Variants in ESR1 observed in about 807,000 individuals in gnomAD.
ESR1 encodes estrogen receptor.
A neutral mutation model predicts 52.7 loss-of-function variants in ESR1; 12 were observed. The ratio of observed to expected loss-of-function variants is 0.23; its 90% confidence interval spans 0.15 to 0.37. The LOEUF is 0.37. Among genes scored for constraint, ESR1 ranks in the 10% least tolerant of loss-of-function variants. The pLI is 1.00. For missense variants in ESR1, 584 were observed against 779.7 expected (o/e 0.75, Z 2.99); for synonymous variants, 305 against 316.8 (o/e 0.96, Z 0.39).
In ESR1 at chr6:151,942,535, A is replaced by G. The variant is rs562243132; in HGVS notation, c.761-1638A>G. On this transcript the variant is annotated intron_variant, in intron 3 of 7. Coordinates refer to ENST00000206249, the MANE Select transcript of ESR1 (RefSeq NM_000125.4). ...CATATTAGAAATAATAATAATCTTTATTATAATTTTTACTATTTCATGAGA... is the reference window on the plus strand; with the variant it reads ...CATATTAGAAATAATAATAATCTTTGTTATAATTTTTACTATTTCATGAGA... Among the ~76,000 whole-genome samples the G allele has an allele frequency of 4.6e-5, 7 of 151,892 alleles. No individual in the cohort carries two copies. The East Asian group carries it at 1.4e-3, about 29-fold the overall frequency.
upstream of ESR1, among the ~76,000 whole-genome samples, chr6:151,806,368 G>A (rs1245981128): frequency 5.9e-5 from 9 of 151,814 alleles, no homozygotes; most frequent in Admixed American, 6.6e-5. Context: ...TGAACACTTC[G>A]TCAGATACTC....
chr6:152,096,720 C>T, intron 7 of ESR1: 2 of 455,986 alleles, frequency 4.4e-6, no homozygotes, highest in Non-Finnish European at 8.8e-6. Context: ...GAGTAGGTGA[C>T]TGCATTCAGA....
At chr6:152,005,180 A>AT (rs1370561115) in intron 4 of ESR1, among the ~76,000 whole-genome samples, 2 of 152,030 alleles carry the variant, frequency 1.3e-5, no homozygotes, top group African/African-American at 4.8e-5. Context: ...AGACAGCTGC[A>AT]TTCTGGACAT....
chr6:152,007,508 G>T (rs542365990), intron 4 of ESR1, among the ~76,000 whole-genome samples: 2 of 152,042 alleles, frequency 1.3e-5, no homozygotes, highest in Non-Finnish European at 2.9e-5. Flanking sequence ...GCATTTTAAG[G>T]CATTTCTCTC....
chr6:152,040,197 C>G (rs2045668593), intron 5 of ESR1, among the ~76,000 whole-genome samples: 1 of 152,170 alleles, frequency 6.6e-6, no homozygotes, highest in Non-Finnish European at 1.5e-5. Flanking sequence ...TCAGTTGTGG[C>G]TGTAGCCAGG....
intron 6 of ESR1, among the ~76,000 whole-genome samples, chr6:152,089,746 T>C (rs2050029089): frequency 6.6e-6 from 1 of 152,162 alleles, no homozygotes; most frequent in Non-Finnish European, 1.5e-5. Flanking sequence ...ACCTGACTAA[T>C]TTTTGTAATT....
intron 5 of ESR1, among the ~76,000 whole-genome samples, chr6:152,015,343 C>T (rs1038496664): frequency 6.6e-6 from 1 of 152,192 alleles, no homozygotes; most frequent in African/African-American, 2.4e-5. Context: ...CAAACTTTCT[C>T]CTCTTCAGCC....
chr6:151,773,595 T>C (rs1424749495), intron 2 of ESR1, among the ~76,000 whole-genome samples: 1 of 152,182 alleles, frequency 6.6e-6, no homozygotes, highest in Non-Finnish European at 1.5e-5. Context: ...ACCCTGGTCC[T>C]AGTGGAGAGG....
At chr6:151,802,800 C>T (rs1777393148), upstream of ESR1, among the ~76,000 whole-genome samples, 1 of 152,024 alleles carries the variant, frequency 6.6e-6, no homozygotes, top group African/African-American at 2.4e-5. Flanking sequence ...ACCAGCCTGG[C>T]CAACATGGTG....
At chr6:151,839,356 G>A (rs971407544) in intron 1 of ESR1, among the ~76,000 whole-genome samples, 14 of 152,068 alleles carry the variant, frequency 9.2e-5, no homozygotes, top group African/African-American at 3.1e-4. Flanking sequence ...GTGTTGGAGA[G>A]GATATAGAGC....
At chr6:152,002,292 A>T (rs969440200) in intron 4 of ESR1, among the ~76,000 whole-genome samples, 1 of 151,440 alleles carries the variant, frequency 6.6e-6, no homozygotes. Context: ...CTGGGTGGAG[A>T]TGGGAGGAAG....
chr6:151,772,738 A>T (rs1420808378), intron 2 of ESR1, among the ~76,000 whole-genome samples: 1 of 152,182 alleles, frequency 6.6e-6, no homozygotes. Context: ...TTCTTTTCAG[A>T]TGTGCAGCCT....
At chr6:151,992,936 T>G (rs2041159321) in intron 4 of ESR1, among the ~76,000 whole-genome samples, 2 of 152,296 alleles carry the variant, frequency 1.3e-5, no homozygotes, top group East Asian at 1.9e-4. Flanking sequence ...GCATGCTTTT[T>G]GGTTTAGTTA....
At position 151,784,891 on chromosome 6, in the gene ESR1, G is replaced by T. The variant is rs371599201; in HGVS notation, c.-70-22952G>T. On this transcript the variant is annotated intron_variant, in intron 2 of 2. Coordinates refer to the ESR1 transcript ENST00000404742. ...GGCAAGTCTGAAATTTGTAGAGCAG[G>T]CCAGCAGGCTGGAAACTCAGGCAGG... Among the ~76,000 whole-genome samples, 3 of 152,214 alleles carry T rather than the reference G, an allele frequency of 2.0e-5. No homozygotes were observed. In the South Asian group the frequency reaches 6.2e-4, roughly 31 times the overall value.
At chr6:151,946,038 C>T (rs1437997327) in intron 4 of ESR1, among the ~76,000 whole-genome samples, 2 of 152,152 alleles carry the variant, frequency 1.3e-5, no homozygotes, top group African/African-American at 4.8e-5. Flanking sequence ...TTCTTGAGTA[C>T]CTACATATTT....
chr6:151,960,994 A>G (rs1433425813), intron 4 of ESR1, among the ~76,000 whole-genome samples: 1 of 152,210 alleles, frequency 6.6e-6, no homozygotes, highest in Non-Finnish European at 1.5e-5. Context: ...AGTTGAGTCA[A>G]CAACTGATAT....
intron 3 of ESR1, among the ~76,000 whole-genome samples, chr6:151,915,421 C>A (rs1311708252): frequency 6.6e-6 from 1 of 152,146 alleles, no homozygotes; most frequent in East Asian, 1.9e-4. Flanking sequence ...GCATTTCCCC[C>A]TTATTTGGGC....
At position 152,098,885 on chromosome 6, in the gene ESR1, C is replaced by T. The variant is rs2050851687; in HGVS notation, c.1707C>T (p.Ala569=). 6 of 1,614,216 alleles carry T rather than the reference C, an allele frequency of 3.7e-6. No homozygotes were observed. The highest frequency in any genetic ancestry group is 5.1e-6 in the Non-Finnish European group (6 of 1,180,044). Reference sequence around the variant, plus strand: ...AGGAGACGGACCAAAGCCACTTGGCCACTGCGGGCTCTACTTCATCGCATT... The same window carrying T: ...AGGAGACGGACCAAAGCCACTTGGCTACTGCGGGCTCTACTTCATCGCATT... ...SVEETDQSHL[A]TAGSTSSHSL... Residue 569 remains alanine, a synonymous_variant, in exon 8 of 8, where the codon GCC becomes GCT. Coordinates refer to ENST00000206249, the MANE Select transcript of ESR1 (RefSeq NM_000125.4). This position sits in a 1 kb window ranked among gnomAD's most constrained non-coding sequence, Gnocchi z 5.1.
intron 2 of ESR1, among the ~76,000 whole-genome samples, chr6:151,719,221 C>G (rs1781273716): frequency 6.6e-6 from 1 of 152,080 alleles, no homozygotes; most frequent in Non-Finnish European, 1.5e-5. Context: ...GAATTTACAT[C>G]TTGTGGTGGA....
Sources: allele counts gnomAD v4.1 joint callset (sites outside exome capture counted in the v4.1 genomes callset), GRCh38; gene constraint gnomAD v4.1.1; non-coding constraint Gnocchi (gnomAD v3.1); transcripts MANE v1.5; gene names NCBI Gene and HGNC (gene_info 2026-07-23, HGNC 2026-07-21).